Variants in CACNA2D2 observed in about 807,000 individuals in gnomAD.
CACNA2D2 encodes calcium voltage-gated channel auxiliary subunit alpha2delta 2.
CACNA2D2 carries 48 observed loss-of-function variants against 166.4 expected under a neutral mutation model. The observed-to-expected ratio is 0.29, with a 90% CI of 0.23 to 0.37. The LOEUF (loss-of-function observed/expected upper bound fraction) is 0.37. Among genes scored for constraint, CACNA2D2 ranks in the 10% least tolerant of loss-of-function variants. CACNA2D2 has a pLI of 1.00. For missense variants in CACNA2D2, 1,122 were observed against 1,433.0 expected (o/e 0.78, Z 3.50); for synonymous variants, 561 against 573.7 (o/e 0.98, Z 0.32).
At chr3:50,413,888 G>C (rs1707148681) in intron 3 of CACNA2D2, among the ~76,000 whole-genome samples, 1 of 150,684 alleles carries the variant, frequency 6.6e-6, no homozygotes, top group African/African-American at 2.5e-5. Context: ...GCATGAAGCA[G>C]AAGCCAGGGT....
At chr3:50,420,265 C>T (rs1707485295) in intron 3 of CACNA2D2, among the ~76,000 whole-genome samples, 1 of 152,236 alleles carries the variant, frequency 6.6e-6, no homozygotes, top group Non-Finnish European at 1.5e-5. Flanking sequence ...AGGCTCCATG[C>T]ATGGTCCTCC....
At chr3:50,377,922 A>C in intron 15 of CACNA2D2, 86 bp downstream of exon 15, 1 of 1,507,838 alleles carries the variant, frequency 6.6e-7, no homozygotes, top group South Asian at 1.1e-5. Flanking sequence ...TTACCCCATA[A>C]GGGGGCCCTC....
intron 4 of CACNA2D2, among the ~76,000 whole-genome samples, chr3:50,391,348 G>A (rs1439283222): frequency 2.0e-5 from 3 of 152,110 alleles, no homozygotes; most frequent in African/African-American, 4.8e-5. Flanking sequence ...CCCTTCCCAC[G>A]CCCTGGCCCA....
intron 3 of CACNA2D2, among the ~76,000 whole-genome samples, chr3:50,428,659 C>G (rs1263019260): frequency 6.6e-6 from 1 of 152,230 alleles, no homozygotes; most frequent in Non-Finnish European, 1.5e-5. Flanking sequence ...CATGCCGCCC[C>G]CTCCCATCCA....
intron 3 of CACNA2D2, among the ~76,000 whole-genome samples, chr3:50,409,537 G>A (rs927996128): frequency 1.3e-5 from 2 of 152,254 alleles, no homozygotes; most frequent in Admixed American, 6.5e-5. Context: ...CATCGTGGGC[G>A]ATGCCACTGA....
intron 1 of CACNA2D2, among the ~76,000 whole-genome samples, chr3:50,500,965 G>A (rs1054457055): frequency 6.6e-6 from 1 of 152,138 alleles, no homozygotes; most frequent in African/African-American, 2.4e-5. Flanking sequence ...CTGTGCACTG[G>A]CAGACACTAA....
At chr3:50,424,075 C>T (rs1473787461) in intron 3 of CACNA2D2, among the ~76,000 whole-genome samples, 1 of 152,240 alleles carries the variant, frequency 6.6e-6, no homozygotes, top group South Asian at 2.1e-4. Context: ...TCCAACTGTA[C>T]TGGTAGGGAA....
chr3:50,381,327 C>G (rs1705305050), intron 6 of CACNA2D2, among the ~76,000 whole-genome samples: 1 of 152,030 alleles, frequency 6.6e-6, no homozygotes, highest in African/African-American at 2.4e-5. Context: ...CCCTCCCAAG[C>G]TGTGAAAGGA....
chr3:50,494,956 G>A (rs865798817), intron 1 of CACNA2D2, among the ~76,000 whole-genome samples: 3 of 152,192 alleles, frequency 2.0e-5, no homozygotes, highest in South Asian at 2.1e-4. Flanking sequence ...GAGTACAGGC[G>A]TCAGCCACTG....
intron 3 of CACNA2D2, among the ~76,000 whole-genome samples, chr3:50,404,772 C>A (rs1268800412): frequency 6.6e-6 from 1 of 152,236 alleles, no homozygotes; most frequent in African/African-American, 2.4e-5. Context: ...GGGGTGCCAG[C>A]AGTAAGTTCT....
chr3:50,435,975 A>G (rs566313162), intron 2 of CACNA2D2, among the ~76,000 whole-genome samples: 36 of 152,290 alleles, frequency 2.4e-4, no homozygotes, highest in Non-Finnish European at 4.4e-5. Context: ...ACGTTCACAG[A>G]GGGAGACAGT....
rs1431274511 is a variant in CACNA2D2 at position 50,375,054 on chromosome 3, A to G, written c.1908-241T>C. 6.6e-6 allele frequency among the ~76,000 whole-genome samples: 1 copy of G among 152,050 alleles called. No individual in the cohort carries two copies. The highest frequency in any genetic ancestry group is 1.5e-5 in the Non-Finnish European group (1 of 67,972). ...GCAACCAGCCCCAAAGCAAATCCCC[A>G]CACCATCTCCCCTCCCAGCAGCCTC... On this transcript the variant is annotated intron_variant, in intron 21 of 37. Transcript: ENST00000424201. This position sits in a 1 kb window ranked among gnomAD's most constrained non-coding sequence, Gnocchi z 4.0.
At chr3:50,370,641 G>A (rs1704607445) in intron 22 of CACNA2D2, among the ~76,000 whole-genome samples, 2 of 152,044 alleles carry the variant, frequency 1.3e-5, no homozygotes, top group Admixed American at 6.5e-5. Flanking sequence ...GTCCTCTGTC[G>A]GCAGTGAGTC....
At chr3:50,469,485 T>C (rs951970383) in intron 2 of CACNA2D2, among the ~76,000 whole-genome samples, 3 of 152,124 alleles carry the variant, frequency 2.0e-5, no homozygotes, top group Admixed American at 6.5e-5. Context: ...TGTGAACTTT[T>C]CTAAACTGTG....
intron 2 of CACNA2D2, among the ~76,000 whole-genome samples, chr3:50,436,958 C>T (rs1462580829): frequency 6.6e-6 from 1 of 152,240 alleles, no homozygotes; most frequent in Non-Finnish European, 1.5e-5. Flanking sequence ...AGCCTAGACA[C>T]TGGGACGCCA....
chr3:50,412,791 G>A (rs562838231), intron 3 of CACNA2D2, among the ~76,000 whole-genome samples: 1 of 152,354 alleles, frequency 6.6e-6, no homozygotes, highest in Non-Finnish European at 1.5e-5. Flanking sequence ...TTCTGAACAT[G>A]CCCTATTTAA....
chr3:50,473,845 C>A (rs1710197722), intron 2 of CACNA2D2, among the ~76,000 whole-genome samples: 1 of 152,184 alleles, frequency 6.6e-6, no homozygotes, highest in South Asian at 2.1e-4. Context: ...GAGCTGTTGG[C>A]AGGAAGTAAG....
At chr3:50,480,879 C>CGGGAGGAAGG (rs1698018098) in intron 1 of CACNA2D2, among the ~76,000 whole-genome samples, 1 of 518 alleles carries the variant, frequency 1.9e-3, no homozygotes, top group African/African-American at 0.013. Context: ...CAGGGAGGAA[C>CGGGAGGAAGG]GGGAGGAAAG....
chr3:50,436,911 G>A (rs1342625376), intron 2 of CACNA2D2, among the ~76,000 whole-genome samples: 4 of 152,136 alleles, frequency 2.6e-5, no homozygotes, highest in African/African-American at 4.8e-5. Flanking sequence ...CCTTGTCTCC[G>A]ACACCTTAGC....
Sources: gnomAD v4.1 joint callset for allele counts (sites outside exome capture counted in the v4.1 genomes callset) on GRCh38, gnomAD v4.1.1 for gene constraint, Gnocchi (gnomAD v3.1) non-coding constraint, MANE v1.5 for transcripts, NCBI Gene and HGNC (gene_info 2026-07-23, HGNC 2026-07-21) for gene names.